KIDINS220: variants seen among roughly 807,000 people sequenced by gnomAD.
KIDINS220 encodes the protein kinase D interacting substrate 220, also known as kinase D-interacting substrate of 220 kDa.
Under a neutral mutation model 157.6 loss-of-function variants are expected in KIDINS220, and 63 were observed. That is an observed-to-expected ratio of 0.40 (90% confidence interval 0.33 to 0.49). KIDINS220 has a LOEUF of 0.49. Ranked by LOEUF, KIDINS220 falls within the 20% of genes least tolerant of loss-of-function variation. The pLI is 0.66. For missense variants in KIDINS220, 1,772 were observed against 2,171.2 expected (o/e 0.82, Z 3.65); for synonymous variants, 732 against 783.6 (o/e 0.93, Z 1.10).
chr2:8,796,756 G>T lies in KIDINS220; in HGVS notation c.1098+15C>A. On this transcript the variant is annotated intron_variant, in intron 11 of 29. Transcript: ENST00000256707. ...CAGCTTTCCATACAGTGTTCTCTCC[G>T]CACAGATGTTTTACCTTATCTACAG... The T allele has an allele frequency of 6.3e-7, 1 of 1,588,934 alleles. No homozygotes were observed. The highest frequency in any genetic ancestry group is 8.6e-7 in the Non-Finnish European group (1 of 1,157,028).
intron 22 of KIDINS220, among the ~76,000 whole-genome samples, chr2:8,768,717 A>C (rs937375209): frequency 1.3e-5 from 2 of 152,158 alleles, no homozygotes; most frequent in Admixed American, 1.3e-4. Context: ...ACTTTCTCTT[A>C]TTCAAATGAC....
chr2:8,753,825 T>C (rs1667675956), intron 22 of KIDINS220, among the ~76,000 whole-genome samples: 1 of 152,138 alleles, frequency 6.6e-6, no homozygotes, highest in South Asian at 2.1e-4. Flanking sequence ...AGAACACAAT[T>C]AGCAAACAAG....
chr2:8,777,683 A>AC (rs1671150980), intron 20 of KIDINS220, among the ~76,000 whole-genome samples: 1 of 152,030 alleles, frequency 6.6e-6, no homozygotes, highest in Admixed American at 6.6e-5. Context: ...AACAAAAGGC[A>AC]CTCTTCAGGG....
At chr2:8,745,491 G>A (rs1340588169) in intron 26 of KIDINS220, among the ~76,000 whole-genome samples, 2 of 152,046 alleles carry the variant, frequency 1.3e-5, no homozygotes, top group Non-Finnish European at 2.9e-5. Context: ...TAACTCAAAG[G>A]AAATTAAAGT....
chr2:8,730,964 G>T lies in KIDINS220; in HGVS notation c.5072C>A (p.Pro1691Gln). ...GAAATTTTGATTGGCTCTGTTGGCT[G>T]GAGCACTATTGTTGTTCAGAGTCAC... ...STVTLNNNSA[P>Q]ANRANQNFDE... The change falls in exon 30 of 30, where the codon CCA (proline) becomes CAA (glutamine). Residue 1691 changes from proline to glutamine, a missense_variant. Pro to Gln is a moderately conservative substitution (Grantham distance 76). Transcript: ENST00000256707. 6.2e-7 allele frequency: 1 copy of T among 1,614,226 alleles called. No homozygotes were observed. The highest frequency in any genetic ancestry group is 8.5e-7 in the Non-Finnish European group (1 of 1,180,050).
chr2:8,785,482 C>T (rs533824080), intron 17 of KIDINS220, among the ~76,000 whole-genome samples: 27 of 152,194 alleles, frequency 1.8e-4, no homozygotes, highest in Admixed American at 7.9e-4. Context: ...GGTGGGTAAT[C>T]GTGCCAATTG....
intron 17 of KIDINS220, among the ~76,000 whole-genome samples, chr2:8,783,978 G>A (rs1037567076): frequency 6.6e-6 from 1 of 152,044 alleles, no homozygotes; most frequent in African/African-American, 2.4e-5. Context: ...TATTGAAGGA[G>A]GAGAACAAAA....
chr2:8,757,527 A>T, intron 22 of KIDINS220: 2 of 1,443,380 alleles, frequency 1.4e-6, no homozygotes, highest in South Asian at 2.9e-5. Context: ...TTGCTCTTTA[A>T]TGTTTCAACT....
intron 22 of KIDINS220, 65 bp downstream of exon 22, chr2:8,770,605 C>T (rs1394303999): frequency 2.2e-5 from 17 of 782,460 alleles, no homozygotes; most frequent in Non-Finnish European, 2.6e-5. Flanking sequence ...GCTTTATACG[C>T]GTTTTTTTTT....
In KIDINS220 at chr2:8,730,020, A is replaced by G. The variant is rs1663807274; in HGVS notation, c.*700T>C. The G allele has an allele frequency of 1.0e-6, 1 of 985,416 alleles. No homozygotes were observed. Among genetic ancestry groups the G allele is most frequent in the South Asian group, 4.7e-5 (1 of 21,286 alleles). The allele number at this position is 985,416 out of a possible 1,614,324, so 61.0% of individuals were successfully genotyped here. On this transcript the variant is annotated 3_prime_UTR_variant, in exon 30 of 30. Coordinates refer to ENST00000256707, the MANE Select transcript of KIDINS220 (RefSeq NM_020738.4). ...GAAGCCAGGCCTGGGATTTGGAGAGAAGAGTTTCCGACATATAAACCCACG... is the reference window on the plus strand; with the variant it reads ...GAAGCCAGGCCTGGGATTTGGAGAGGAGAGTTTCCGACATATAAACCCACG...
chr2:8,747,294 A>C, intron 25 of KIDINS220, 93 bp from the exon 26 acceptor site: 1 of 1,047,194 alleles, frequency 9.5e-7, no homozygotes, highest in Non-Finnish European at 1.5e-6. Context: ...ATAATATACA[A>C]CACTGAAACT....
At chr2:8,792,601 T>A (rs1417777462) in intron 12 of KIDINS220, among the ~76,000 whole-genome samples, 1 of 152,212 alleles carries the variant, frequency 6.6e-6, no homozygotes, top group African/African-American at 2.4e-5. Flanking sequence ...CTTATTTATC[T>A]GATTAGCAAA....
At chr2:8,779,965 C>G in intron 17 of KIDINS220, 151 bp from the exon 18 acceptor site, 1 of 731,404 alleles carries the variant, frequency 1.4e-6, no homozygotes, top group Non-Finnish European at 2.2e-6. Context: ...AAAATAAGAG[C>G]GAGTGCTTCA....
chr2:8,727,084 A>T, downstream of KIDINS220: 1 of 1,013,762 alleles, frequency 9.9e-7, no homozygotes, highest in Non-Finnish European at 1.3e-6. Context: ...TCTATTTTTC[A>T]ATTCAGTTGC....
chr2:8,726,615 A>C (rs1663344317), downstream of KIDINS220, among the ~76,000 whole-genome samples: 1 of 152,146 alleles, frequency 6.6e-6, no homozygotes, highest in Non-Finnish European at 1.5e-5. Context: ...CACAGAGCAC[A>C]CTTAAACAGA....
At chr2:8,835,659 CA>C (rs56986834) in intron 1 of KIDINS220, among the ~76,000 whole-genome samples, 48,905 of 87,524 alleles carry the variant, frequency 0.56, 10,282 homozygotes, top group African/African-American at 0.62. Flanking sequence ...GACCCTGTCT[CA>C]AAAAAAAAAA....
chr2:8,831,286 T>A lies in KIDINS220; in HGVS notation c.-36-4157A>T, dbSNP rs910265520. Among the ~76,000 whole-genome samples the A allele has an allele frequency of 2.0e-5, 3 of 152,018 alleles. No homozygotes were observed. The East Asian group carries it at 5.8e-4, about 29-fold the overall frequency. ...TCACAATCTGGCCCCATCTTACCAT[T>A]CCAGCCTTATCTTTCTCCCCTCCTC... is the stretch of plus-strand genomic sequence containing the variant. On this transcript the variant is annotated intron_variant, in intron 1 of 29. Transcript: ENST00000256707.
chr2:8,760,605 A>C (rs936293588), intron 22 of KIDINS220, among the ~76,000 whole-genome samples: 2 of 152,216 alleles, frequency 1.3e-5, no homozygotes, highest in African/African-American at 4.8e-5. Context: ...ATGATTTAGG[A>C]CTTTCTTAAT....
intron 17 of KIDINS220, among the ~76,000 whole-genome samples, chr2:8,784,078 A>T (rs571049474): frequency 6.6e-6 from 1 of 151,850 alleles, no homozygotes; most frequent in East Asian, 1.9e-4. Context: ...AAAGAGAAAG[A>T]GCCCAGAAAC....
Sources: gnomAD v4.1 joint callset for allele counts (sites outside exome capture counted in the v4.1 genomes callset) on GRCh38, gnomAD v4.1.1 for gene constraint, MANE v1.5 for transcripts, NCBI Gene and HGNC (gene_info 2026-07-23, HGNC 2026-07-21) for gene names.